CSMD1: variants seen among roughly 807,000 people sequenced by gnomAD.
CSMD1 encodes the protein CUB and Sushi multiple domains 1, also known as CUB and sushi domain-containing protein 1.
A neutral mutation model predicts 417.5 loss-of-function variants in CSMD1; 213 were observed. That is an observed-to-expected ratio of 0.51 (90% CI 0.46 to 0.57). The LOEUF (loss-of-function observed/expected upper bound fraction) is 0.57, where lower values mean the gene tolerates loss of function less well. Among genes scored for constraint, CSMD1 ranks in the 20% least tolerant of loss-of-function variants. The pLI, the probability that CSMD1 is intolerant of heterozygous loss-of-function variation, is 0.00. For missense variants in CSMD1, 6,923 were observed against 4,529.7 expected (o/e 1.53, Z -15.17); for synonymous variants, 2,862 against 1,736.8 (o/e 1.65, Z -16.11).
chr8:4,760,471 A>C (rs1313769836), intron 1 of CSMD1, among the ~76,000 whole-genome samples: 4 of 152,204 alleles, frequency 2.6e-5, no homozygotes, highest in Admixed American at 1.3e-4. Context: ...GCTACTGACT[A>C]ATCCTGTGAG....
chr8:4,016,724 C>T (rs751546653), intron 4 of CSMD1, among the ~76,000 whole-genome samples: 1 of 152,182 alleles, frequency 6.6e-6, no homozygotes, highest in South Asian at 2.1e-4. Flanking sequence ...TAGGAAGACC[C>T]TATAGCCAAA....
intron 31 of CSMD1, among the ~76,000 whole-genome samples, chr8:3,205,253 C>G (rs751192251): frequency 6.6e-6 from 1 of 152,094 alleles, no homozygotes; most frequent in Non-Finnish European, 1.5e-5. Flanking sequence ...AGAAGAAAGC[C>G]AAATTAATTC....
At position 4,246,375 on chromosome 8, in the gene CSMD1, G is replaced by C. The variant is rs979629719; in HGVS notation, c.415+173578C>G. On this transcript the variant is annotated intron_variant, in intron 3 of 69. Transcript: ENST00000635120. ...GTCAGTCCTTAGAAGAGTAGTTCTT[G>C]ATAAAATATTCTGCAGCTGCTGTTG... is the stretch of plus-strand genomic sequence containing the variant. Among the ~76,000 whole-genome samples the C allele has an allele frequency of 2.2e-4, 33 of 152,166 alleles. 1 individual carries two copies. Among genetic ancestry groups the C allele is most frequent in the Non-Finnish European group, 1.5e-5 (1 of 68,038 alleles).
At chr8:3,785,634 A>G (rs1799417320) in intron 5 of CSMD1, among the ~76,000 whole-genome samples, 1 of 152,194 alleles carries the variant, frequency 6.6e-6, no homozygotes, top group African/African-American at 2.4e-5. Flanking sequence ...GTTACCATCG[A>G]GTGTTTATTG....
chr8:4,359,031 A>G lies in CSMD1; in HGVS notation c.415+60922T>C, dbSNP rs574805559. 9.8e-5 allele frequency among the ~76,000 whole-genome samples: 15 copies of G among 152,298 alleles called. 1 individual carries two copies. The highest frequency in any genetic ancestry group is 3.6e-4 in the African/African-American group (15 of 41,570). ...ATATAATATATACATATATGCCTAT[A>G]TATGTGGCAAAATCAATATACATGT... On this transcript the variant is annotated intron_variant, in intron 3 of 69. Transcript: ENST00000635120.
intron 10 of CSMD1, among the ~76,000 whole-genome samples, chr8:3,563,241 CA>C (rs1799548888): frequency 1.3e-5 from 2 of 151,908 alleles, no homozygotes; most frequent in Non-Finnish European, 2.9e-5. Flanking sequence ...CATCTCCGCA[CA>C]AACCGGGATT....
rs142408881 is a variant in CSMD1 at position 4,953,622 on chromosome 8, A to T, written c.85+40710T>A. Among the ~76,000 whole-genome samples, 534 of 152,314 alleles carry T rather than the reference A, an allele frequency of 3.5e-3. 5 individuals carry two copies. The highest frequency in any genetic ancestry group is 0.012 in the African/African-American group (500 of 41,584). On this transcript the variant is annotated intron_variant, in intron 1 of 69. Coordinates refer to ENST00000635120, the MANE Select transcript of CSMD1 (RefSeq NM_033225.6). The stretch of plus-strand genomic sequence containing the variant: ...ATTTAGTAAAGAAAAAAACTTGGCA[A>T]TACTCATAGAAATACACAGAAGCAG...
intron 12 of CSMD1, among the ~76,000 whole-genome samples, chr8:3,441,578 T>A (rs1301205710): frequency 1.3e-5 from 2 of 151,426 alleles, no homozygotes; most frequent in Non-Finnish European, 2.9e-5. Flanking sequence ...ATGTATACAA[T>A]GGTCCCATAA....
chr8:3,637,070 T>A (rs145954121), intron 7 of CSMD1, among the ~76,000 whole-genome samples: 100 of 152,310 alleles, frequency 6.6e-4, no homozygotes, highest in East Asian at 3.1e-3. Flanking sequence ...AGGATCCTCA[T>A]GCTTGAACTT....
At chr8:3,710,863 C>T (rs1475385227) in intron 6 of CSMD1, among the ~76,000 whole-genome samples, 1 of 152,110 alleles carries the variant, frequency 6.6e-6, no homozygotes, top group Non-Finnish European at 1.5e-5. Flanking sequence ...AAACTCCAAA[C>T]CTTTCCACGT....
At chr8:2,966,027 C>T in intron 58 of CSMD1, 73 bp from the exon 59 acceptor site, 1 of 1,316,538 alleles carries the variant, frequency 7.6e-7, no homozygotes, top group Non-Finnish European at 1.1e-6. Context: ...CATTTCTATT[C>T]AAGATACTCT....
intron 4 of CSMD1, among the ~76,000 whole-genome samples, chr8:4,003,483 A>T (rs1815865574): frequency 6.6e-6 from 1 of 152,208 alleles, no homozygotes; most frequent in Non-Finnish European, 1.5e-5. Context: ...TGGGAAAAAA[A>T]GATTTTAAAT....
At chr8:4,243,189 T>C (rs1395151283) in intron 3 of CSMD1, among the ~76,000 whole-genome samples, 1 of 152,040 alleles carries the variant, frequency 6.6e-6, no homozygotes, top group Non-Finnish European at 1.5e-5. Flanking sequence ...TGCTCTGGGC[T>C]GAGGAGGACA....
At chr8:3,638,648 G>C (rs1483415188) in intron 7 of CSMD1, among the ~76,000 whole-genome samples, 1 of 152,162 alleles carries the variant, frequency 6.6e-6, no homozygotes, top group East Asian at 1.9e-4. Flanking sequence ...TGAAACATGG[G>C]CAAGATGTAC....
intron 25 of CSMD1, among the ~76,000 whole-genome samples, chr8:3,300,848 A>T (rs1159383251): frequency 1.3e-5 from 2 of 150,962 alleles, no homozygotes; most frequent in Non-Finnish European, 2.9e-5. Flanking sequence ...AATCCCAGCT[A>T]CTCAGGACAC....
chr8:3,113,088 C>T (rs1004637551), intron 42 of CSMD1: 5 of 152,352 alleles, frequency 3.3e-5, no homozygotes, highest in African/African-American at 1.2e-4. Flanking sequence ...GTGTGCGTGT[C>T]TCGGCAGGAA....
At chr8:4,529,571 A>T (rs565629010) in intron 2 of CSMD1, among the ~76,000 whole-genome samples, 61 of 152,204 alleles carry the variant, frequency 4.0e-4, no homozygotes, top group Non-Finnish European at 7.5e-4. Context: ...TAAAACTTAC[A>T]TAAGCAAAAG....
intron 2 of CSMD1, among the ~76,000 whole-genome samples, chr8:4,611,561 C>T (rs556965950): frequency 6.6e-6 from 1 of 152,260 alleles, no homozygotes; most frequent in African/African-American, 2.4e-5. Flanking sequence ...ATTGCCTTCC[C>T]AGAAGTGTTT....
intron 23 of CSMD1, among the ~76,000 whole-genome samples, chr8:3,311,669 C>T (rs537548616): frequency 3.3e-5 from 5 of 152,072 alleles, no homozygotes; most frequent in African/African-American, 4.8e-5. Flanking sequence ...TTCTACTGAA[C>T]GTGTATTACT....
Sources: gnomAD v4.1 joint callset for allele counts (sites outside exome capture counted in the v4.1 genomes callset) on GRCh38, gnomAD v4.1.1 for gene constraint, MANE v1.5 for transcripts, NCBI Gene and HGNC (gene_info 2026-07-23, HGNC 2026-07-21) for gene names.